The following RABGAP1 variants were observed in gnomAD, a reference collection of about 807,000 sequenced individuals.
RABGAP1 encodes the protein rab GTPase-activating protein 1.
RABGAP1 carries 23 observed loss-of-function variants against 137.6 expected under a neutral mutation model. The observed-to-expected ratio is 0.17, with a 90% CI of 0.12 to 0.24. The LOEUF (loss-of-function observed/expected upper bound fraction) is 0.24. Ranked by LOEUF, RABGAP1 falls within the 10% of genes least tolerant of loss-of-function variation. The pLI is 1.00. For synonymous variants in RABGAP1, 451 were observed against 450.7 expected (o/e 1.00, Z -0.01); for missense variants, 906 against 1,275.8 (o/e 0.71, Z 4.42).
At chr9:122,996,823 T>TA (rs1185032745) in intron 8 of RABGAP1, 2 of 497,690 alleles carry the variant, frequency 4.0e-6, no homozygotes, top group Middle Eastern at 5.5e-4. Flanking sequence ...GTGGTGGTGA[T>TA]AAAATTCTTG....
At position 123,065,657 on chromosome 9, in the gene RABGAP1, G is replaced by A. The variant is rs182586250; in HGVS notation, c.1908+196G>A. 2.4e-3 allele frequency: 1,271 copies of A among 521,214 alleles called. 6 individuals carry two copies. The highest frequency in any genetic ancestry group is 4.7e-3 in the Admixed American group (147 of 31,308). 32.3% of individuals were successfully genotyped at this position (521,214 alleles called of 1,614,324 possible). ...GTAGAAAATAATAAGAAATAAAATGGTAGGGTTTCCTTTCCCCTTCTAATC... is the reference window on the plus strand; with the variant it reads ...GTAGAAAATAATAAGAAATAAAATGATAGGGTTTCCTTTCCCCTTCTAATC... On this transcript the variant is annotated intron_variant, in intron 14 of 25. Coordinates refer to ENST00000373647, the MANE Select transcript of RABGAP1 (RefSeq NM_012197.4).
intron 6 of RABGAP1, chr9:122,990,797 ATATATATATATATAT>A (rs1416512977): frequency 1.6e-4 from 5 of 31,794 alleles, no homozygotes; most frequent in East Asian, 1.8e-3. Context: ...AAAAAAAAAA[ATATATATATATATAT>A]ATATATATAT....
intron 2 of RABGAP1, among the ~76,000 whole-genome samples, chr9:122,983,831 T>C (rs1836219473): frequency 6.6e-6 from 1 of 152,260 alleles, no homozygotes; most frequent in African/African-American, 2.4e-5. Flanking sequence ...CTTGCTTCCT[T>C]GTTGAGGAAC....
Position 122,989,380 on chromosome 9 carries a change from C to A in RABGAP1, c.674C>A (p.Thr225Asn). Residue 225 changes from threonine (T) to asparagine (N), a missense_variant, in exon 5 of 26, where the codon ACT becomes AAT. Physicochemically the swap from Thr to Asn is moderately conservative, Grantham distance 65. Around this residue, in one of 9 missense-constraint regions of RABGAP1, gnomAD observed 331 missense variants for 358.3 expected, o/e 0.92. Transcript: ENST00000373647. ...TTCTGTGTCAGAGGGCATGATGGAA[C>A]TCCTGAGAGTGACTGTTTTGCTTTC... ...ILFCVRGHDG[T>N]PESDCFAFTE... The A allele has an allele frequency of 6.2e-7, 1 of 1,613,946 alleles. No individual in the cohort carries two copies. The highest frequency in any genetic ancestry group is 1.1e-5 in the South Asian group (1 of 91,084).
Position 123,070,490 on chromosome 9 carries a change from T to C in RABGAP1, c.1983+66T>C. On this transcript the variant is annotated intron_variant, in intron 15 of 25. Transcript: ENST00000373647. This position sits in a 1 kb window ranked among gnomAD's most constrained non-coding sequence, Gnocchi z 4.4. The stretch of plus-strand genomic sequence containing the variant: ...CCCTCAGCTTATACTAACCTTAGGC[T>C]TGAGCATGGTTTTATATTGGGTTTG... The C allele has an allele frequency of 6.2e-7, 1 of 1,609,504 alleles. No homozygotes were observed. Among genetic ancestry groups the C allele is most frequent in the Non-Finnish European group, 8.5e-7 (1 of 1,178,086 alleles).
At chr9:123,089,958 A>G (rs1444295444) in intron 20 of RABGAP1, 108 bp downstream of exon 20, 1 of 1,030,298 alleles carries the variant, frequency 9.7e-7, no homozygotes. Flanking sequence ...ATTCCTCTGT[A>G]GGTTCAGGTT....
chr9:123,078,563 C>T (rs2034595834), intron 19 of RABGAP1, among the ~76,000 whole-genome samples: 2 of 152,294 alleles, frequency 1.3e-5, no homozygotes, highest in Non-Finnish European at 1.5e-5. Flanking sequence ...TTGCACAAAG[C>T]ATAGATAGAA....
rs1229395221 is a variant in RABGAP1 at position 122,997,131 on chromosome 9, C to G, written c.1102-128C>G. The G allele has an allele frequency of 2.4e-5, 16 of 661,202 alleles. No individual in the cohort carries two copies. The East Asian group carries it at 4.4e-4, about 18-fold the overall frequency. The allele number at this position is 661,202 out of a possible 1,614,324, so 41.0% of individuals were successfully genotyped here. On this transcript the variant is annotated intron_variant, in intron 8 of 25. Coordinates refer to ENST00000373647, the MANE Select transcript of RABGAP1 (RefSeq NM_012197.4). ...ATTTTTTACCATAAATGTAATCATTCACATACACTTATCCTCTTCCATATT... is the reference window on the plus strand; with the variant it reads ...ATTTTTTACCATAAATGTAATCATTGACATACACTTATCCTCTTCCATATT...
rs1479640955 is a variant in RABGAP1, at chr9:123,070,725, A to T, written c.1983+301A>T. Among the ~76,000 whole-genome samples the T allele has an allele frequency of 6.6e-6, 1 of 152,214 alleles. No homozygotes were observed. Among genetic ancestry groups the T allele is most frequent in the Non-Finnish European group, 1.5e-5 (1 of 68,032 alleles). The stretch of plus-strand genomic sequence containing the variant: ...GGGGACGTTTTATCTTCTCTAAAGT[A>T]GCCGCTGTCATTAATACTTGTTTTG... On this transcript the variant is annotated intron_variant, in intron 15 of 25. Coordinates refer to ENST00000373647, the MANE Select transcript of RABGAP1 (RefSeq NM_012197.4). The surrounding 1 kb of genome is among the most constrained non-coding windows in gnomAD (Gnocchi z 4.4).
Position 123,103,481 on chromosome 9 carries a change from C to T in RABGAP1, c.*268C>T, listed in dbSNP as rs988132758. On this transcript the variant is annotated 3_prime_UTR_variant, in exon 26 of 26. Transcript: ENST00000373647. ...AGTGTGACCTCCCAGGCCTCTTCCC[C>T]GTGTACGTCAACACCTCACCCAGCC... is the stretch of plus-strand genomic sequence containing the variant. 2.7e-5 allele frequency: 7 copies of T among 260,138 alleles called. No homozygotes were observed. In the East Asian group the frequency reaches 3.7e-4, roughly 14 times the overall value. 16.1% of individuals were successfully genotyped at this position (260,138 alleles called of 1,614,324 possible). A position where few individuals can be genotyped will look rare whatever the true frequency, so the allele number is the denominator to read the frequency against.
chr9:122,997,613 C>T lies in RABGAP1; in HGVS notation c.1204+252C>T, dbSNP rs1837099282. Among the ~76,000 whole-genome samples the T allele has an allele frequency of 2.0e-5, 3 of 151,396 alleles. No homozygotes were observed. The South Asian group carries it at 6.2e-4, about 31-fold the overall frequency. ...TTCTTTCTATTTATATGCTTATTTA[C>T]TTACAGACTTATAAGTTTTATTTTT... On this transcript the variant is annotated intron_variant, in intron 9 of 25. Coordinates refer to ENST00000373647, the MANE Select transcript of RABGAP1 (RefSeq NM_012197.4).
chr9:123,097,636 G>T (rs1459756382), intron 21 of RABGAP1, 105 bp from the exon 22 acceptor site: 1 of 940,774 alleles, frequency 1.1e-6, no homozygotes, highest in South Asian at 1.7e-5. Context: ...TCCCCTCTCT[G>T]AATCAGAGTT....
chr9:122,956,298 A>G (rs1355403004), intron 1 of RABGAP1, among the ~76,000 whole-genome samples: 3 of 152,206 alleles, frequency 2.0e-5, no homozygotes, highest in Non-Finnish European at 4.4e-5. Flanking sequence ...TGTTAAAACC[A>G]TGTTAATATT....
At chr9:123,044,973 CAA>C (rs1359318538) in intron 13 of RABGAP1, among the ~76,000 whole-genome samples, 1 of 152,034 alleles carries the variant, frequency 6.6e-6, no homozygotes, top group Non-Finnish European at 1.5e-5. Flanking sequence ...ATTTAACAAA[CAA>C]TATATGACAT....
chr9:123,064,859 G>A (rs1253759898), intron 13 of RABGAP1, among the ~76,000 whole-genome samples: 1 of 152,176 alleles, frequency 6.6e-6, no homozygotes, highest in Non-Finnish European at 1.5e-5. Context: ...AGATTGCTTT[G>A]TGCATTCTTA....
At chr9:123,062,393 A>T (rs989929739) in intron 13 of RABGAP1, 1 of 152,178 alleles carries the variant, frequency 6.6e-6, no homozygotes, top group African/African-American at 2.4e-5. Flanking sequence ...TATTTTCAGA[A>T]CCTTTTCAAA....
Position 123,029,492 on chromosome 9 carries a change from A to C in RABGAP1, c.1794+9033A>C, listed in dbSNP as rs1394867199. 3 of 1,105,138 alleles carry C rather than the reference A, an allele frequency of 2.7e-6. No individual in the cohort carries two copies. In the African/African-American group the frequency reaches 4.6e-5, roughly 17 times the overall value. 68.5% of individuals were successfully genotyped at this position (1,105,138 alleles called of 1,614,324 possible). ...AAGTCCTTTACTAAGGAGCTCCAGA[A>C]GGGCTGCCCTGGCCAGGGAACCTCA... On this transcript the variant is annotated intron_variant, in intron 13 of 25. Transcript: ENST00000373647.
At chr9:122,977,454 C>A (rs1357162762) in intron 2 of RABGAP1, among the ~76,000 whole-genome samples, 1 of 152,150 alleles carries the variant, frequency 6.6e-6, no homozygotes. Context: ...GCCTGCTAAT[C>A]CCAACAGGGA....
intron 2 of RABGAP1, among the ~76,000 whole-genome samples, chr9:122,982,762 C>T (rs1836143824): frequency 6.6e-6 from 1 of 152,038 alleles, no homozygotes; most frequent in Non-Finnish European, 1.5e-5. Context: ...TTAAGCTGGG[C>T]GTGGTGGCAC....
Sources: gnomAD v4.1 joint callset for allele counts (sites outside exome capture counted in the v4.1 genomes callset) on GRCh38, gnomAD v4.1.1 for gene constraint, gnomAD v4.1.1 regional missense constraint, Gnocchi (gnomAD v3.1) non-coding constraint, MANE v1.5 for transcripts, NCBI Gene and HGNC (gene_info 2026-07-23, HGNC 2026-07-21) for gene names.